Variants in SMOC2 observed in about 807,000 individuals in gnomAD.
SMOC2 encodes SPARC-related modular calcium-binding protein 2.
Under a neutral mutation model 61.4 loss-of-function variants are expected in SMOC2, and 39 were observed. That is an observed-to-expected ratio of 0.64 (90% CI 0.49 to 0.83). SMOC2 has a LOEUF of 0.83. SMOC2 is among the 40% of genes least tolerant of loss of function. The probability of loss-of-function intolerance (pLI) is 0.00; values close to 1 mark genes in which losing one functional copy is unlikely to be tolerated. For missense variants in SMOC2, 556 were observed against 592.9 expected, an observed-to-expected ratio of 0.94 and a Z score of 0.65; for synonymous variants, 247 against 239.9, an observed-to-expected ratio of 1.03 and a Z score of -0.27.
At position 168,453,300 on chromosome 6, in the gene SMOC2, C is replaced by T. The variant is rs1040384285; in HGVS notation, c.84+11846C>T. On this transcript the variant is annotated intron_variant, in intron 1 of 12. Coordinates refer to ENST00000356284, the MANE Select transcript of SMOC2 (RefSeq NM_001166412.2). The surrounding 1 kb of genome is among the most constrained non-coding windows in gnomAD (Gnocchi z 4.4). Reference sequence around the variant, plus strand: ...TGTGGTGGCCTCAAGGCTCCGTCACCCTGCGGCCCTGTCATTTCGGGCTGT... The same window carrying T: ...TGTGGTGGCCTCAAGGCTCCGTCACTCTGCGGCCCTGTCATTTCGGGCTGT... Among the ~76,000 whole-genome samples the T allele has an allele frequency of 3.9e-5, 6 of 152,170 alleles. No homozygotes were observed. Among genetic ancestry groups the T allele is most frequent in the African/African-American group, 1.4e-4 (6 of 41,424 alleles).
At chr6:168,624,623 GAC>G (rs1430059156) in intron 9 of SMOC2, among the ~76,000 whole-genome samples, 5 of 99,360 alleles carry the variant, frequency 5.0e-5, no homozygotes, top group Admixed American at 9.9e-5. Context: ...CAGAGACACA[GAC>G]ACAGACAACA....
chr6:168,574,731 G>A (rs921522880), intron 7 of SMOC2, among the ~76,000 whole-genome samples: 6 of 152,058 alleles, frequency 3.9e-5, no homozygotes, highest in Non-Finnish European at 5.9e-5. Context: ...CGGACTCGGC[G>A]CTCTGTCCTT....
chr6:168,595,162 TCGCCGAG>T (rs1785289989), intron 7 of SMOC2, among the ~76,000 whole-genome samples: 21 of 126,740 alleles, frequency 1.7e-4, no homozygotes, highest in South Asian at 5.3e-4. Context: ...TTCTAGAGGA[TCGCCGAG>T]CTCCTCCTCC....
At chr6:168,631,152 C>T (rs1405026152) in intron 9 of SMOC2, among the ~76,000 whole-genome samples, 7 of 152,180 alleles carry the variant, frequency 4.6e-5, no homozygotes, top group African/African-American at 7.2e-5. Flanking sequence ...TGGGGCATCA[C>T]GGATCCTACC....
At chr6:168,584,576 G>C (rs896768672) in intron 7 of SMOC2, among the ~76,000 whole-genome samples, 3 of 152,006 alleles carry the variant, frequency 2.0e-5, no homozygotes, top group African/African-American at 7.2e-5. Context: ...AATTTTCTGA[G>C]AAGTGGACTA....
rs561250264 is a variant in SMOC2, at chr6:168,448,805, G to A, written c.84+7351G>A. ...TAGCACTTTGAGCAAGGATGGAAAC[G>A]TGTTGTTGGAGTGAGTAGACTAATA... is the stretch of plus-strand genomic sequence containing the variant. On this transcript the variant is annotated intron_variant, in intron 1 of 12. Transcript: ENST00000356284. 2.3e-4 allele frequency among the ~76,000 whole-genome samples: 35 copies of A among 152,306 alleles called. No homozygotes were observed. The South Asian group carries it at 4.6e-3, about 20-fold the overall frequency.
At chr6:168,474,222 G>T (rs1782029816) in intron 1 of SMOC2, among the ~76,000 whole-genome samples, 1 of 152,154 alleles carries the variant, frequency 6.6e-6, no homozygotes, top group South Asian at 2.1e-4. Flanking sequence ...GTTCCTGCAC[G>T]TTTTATGGGG....
chr6:168,571,871 G>A (rs1299622474), intron 7 of SMOC2, among the ~76,000 whole-genome samples: 7 of 122,018 alleles, frequency 5.7e-5, no homozygotes, highest in African/African-American at 1.6e-4. Context: ...TTTCCTCCCC[G>A]CATCCCCGGG....
Position 168,471,169 on chromosome 6 carries a change from A to G in SMOC2, c.84+29715A>G, listed in dbSNP as rs368801148. Among the ~76,000 whole-genome samples the G allele has an allele frequency of 8.5e-5, 13 of 152,308 alleles. No individual in the cohort carries two copies. The East Asian group carries it at 2.3e-3, about 27-fold the overall frequency. On this transcript the variant is annotated intron_variant, in intron 1 of 12. Coordinates refer to ENST00000356284, the MANE Select transcript of SMOC2 (RefSeq NM_001166412.2). ...AGGAGATATAACTGTCGCACAACCG[A>G]TATCCAGAACTTTTTCAACTGGCAA...
At chr6:168,559,982 A>G (rs923262122) in intron 7 of SMOC2, among the ~76,000 whole-genome samples, 2 of 152,204 alleles carry the variant, frequency 1.3e-5, no homozygotes, top group Non-Finnish European at 2.9e-5. Flanking sequence ...ATGTTCATGC[A>G]TTTGCTGAGG....
chr6:168,570,905 T>C (rs1784649447), intron 7 of SMOC2, among the ~76,000 whole-genome samples: 1 of 152,204 alleles, frequency 6.6e-6, no homozygotes, highest in Non-Finnish European at 1.5e-5. Context: ...AACGTCTTGT[T>C]TTCTTTTCTC....
chr6:168,543,876 T>G (rs1182131109), intron 5 of SMOC2, among the ~76,000 whole-genome samples: 5 of 152,144 alleles, frequency 3.3e-5, no homozygotes, highest in Non-Finnish European at 5.9e-5. Context: ...GTCGCTGGTG[T>G]TGGACCTGTG....
intron 7 of SMOC2, among the ~76,000 whole-genome samples, chr6:168,582,682 C>T (rs759977091): frequency 6.6e-6 from 1 of 152,210 alleles, no homozygotes; most frequent in Non-Finnish European, 1.5e-5. Context: ...GACTGGAACG[C>T]CGCCATGGAG....
At chr6:168,633,567 C>CA (rs955274216) in intron 9 of SMOC2, among the ~76,000 whole-genome samples, 20 of 150,896 alleles carry the variant, frequency 1.3e-4, no homozygotes, top group South Asian at 2.1e-4. Flanking sequence ...TTACCCCAAA[C>CA]AAAAAAAAAT....
chr6:168,560,006 C>G (rs1460156402), intron 7 of SMOC2, among the ~76,000 whole-genome samples: 1 of 152,196 alleles, frequency 6.6e-6, no homozygotes, highest in Non-Finnish European at 1.5e-5. Flanking sequence ...TTTATTCATT[C>G]CCCAGGAATG....
intron 4 of SMOC2, among the ~76,000 whole-genome samples, chr6:168,532,767 G>A (rs1321541379): frequency 6.6e-6 from 1 of 152,224 alleles, no homozygotes; most frequent in African/African-American, 2.4e-5. Flanking sequence ...AAGAGGGATA[G>A]ACACAGCCCA....
rs866102797 is a variant in SMOC2, at chr6:168,608,190, G to C, written c.858G>C (p.Arg286Ser). ...YEQPKCDNTA[R>S]AHPAKARDLY... ...AGCCGAAATGTGACAACACGGCCAG[G>C]GCCCACCCAGCCAAAGCCCGGGACC... The change falls in exon 9 of 13, where the codon AGG becomes AGC. Residue 286 changes from arginine to serine, a missense_variant. By Grantham distance (110) the Arg-to-Ser change is moderately radical. Coordinates refer to ENST00000356284, the MANE Select transcript of SMOC2 (RefSeq NM_001166412.2). 6.2e-7 allele frequency: 1 copy of C among 1,613,650 alleles called. No homozygotes were observed. The highest frequency in any genetic ancestry group is 1.3e-5 in the African/African-American group (1 of 74,886).
rs572477556 is a variant in SMOC2, at chr6:168,453,155, G to A, written c.84+11701G>A. Among the ~76,000 whole-genome samples the A allele has an allele frequency of 1.3e-5, 2 of 151,772 alleles. No individual in the cohort carries two copies. Among genetic ancestry groups the A allele is most frequent in the Non-Finnish European group, 1.5e-5 (1 of 67,896 alleles). On this transcript the variant is annotated intron_variant, in intron 1 of 12. Transcript: ENST00000356284. The surrounding 1 kb of genome is among the most constrained non-coding windows in gnomAD (Gnocchi z 4.4). ...GTGTGGCTTGAATCTGCTGTCCGAC[G>A]CAGGCAGGTGCAGGCTGTTCTAGAG... is the stretch of plus-strand genomic sequence containing the variant.
chr6:168,542,966 T>C (rs1024545918), intron 4 of SMOC2, among the ~76,000 whole-genome samples: 3 of 152,232 alleles, frequency 2.0e-5, no homozygotes, highest in Non-Finnish European at 4.4e-5. Context: ...AAACAGAATA[T>C]TCAACTGCCA....
Sources: gnomAD v4.1 joint callset for allele counts (sites outside exome capture counted in the v4.1 genomes callset) on GRCh38, gnomAD v4.1.1 for gene constraint, Gnocchi (gnomAD v3.1) non-coding constraint, MANE v1.5 for transcripts, NCBI Gene and HGNC (gene_info 2026-07-23, HGNC 2026-07-21) for gene names.